The following GTF2F2 variants were observed in gnomAD, a reference collection of about 807,000 sequenced individuals.
GTF2F2 encodes general transcription factor IIF subunit 2.
GTF2F2 carries 23 observed loss-of-function variants against 42.2 expected under a neutral mutation model. The observed-to-expected ratio is 0.55, with a 90% CI of 0.39 to 0.77. The LOEUF is 0.77. Among genes scored for constraint, GTF2F2 ranks in the 30% least tolerant of loss-of-function variants. The probability of loss-of-function intolerance (pLI) is 0.00; values close to 1 mark genes in which losing one functional copy is unlikely to be tolerated. For missense variants in GTF2F2, 261 were observed against 287.2 expected, an observed-to-expected ratio of 0.91 and a Z score of 0.66; for synonymous variants, 105 against 100.8, an observed-to-expected ratio of 1.04 and a Z score of -0.25.
intron 1 of GTF2F2, among the ~76,000 whole-genome samples, chr13:45,136,307 C>T (rs1869616862): frequency 6.6e-6 from 1 of 152,230 alleles, no homozygotes; most frequent in South Asian, 2.1e-4. Flanking sequence ...CTCTTCTTCA[C>T]AGTAGTCAAA....
rs568795224 is a variant in GTF2F2 at position 45,215,530 on chromosome 13, C to T, written c.386+8025C>T. Among the ~76,000 whole-genome samples the T allele has an allele frequency of 5.3e-5, 8 of 152,228 alleles. No individual in the cohort carries two copies. In the East Asian group the frequency reaches 1.4e-3, roughly 26 times the overall value. ...ATCCCAGGACTTTGGGAGGCTGAGG[C>T]GAGTGGATCACCTAAGGTCAGGAGT... On this transcript the variant is annotated intron_variant, in intron 5 of 7. Transcript: ENST00000340473.
chr13:45,272,421 C>CT (rs1264792021), intron 7 of GTF2F2, among the ~76,000 whole-genome samples: 3 of 79,282 alleles, frequency 3.8e-5, no homozygotes, highest in Non-Finnish European at 7.0e-5. Flanking sequence ...TGTTTTGGCT[C>CT]TTTAAAAAAA....
At chr13:45,204,498 ATAAT>A (rs1248493291) in intron 4 of GTF2F2, among the ~76,000 whole-genome samples, 1 of 152,256 alleles carries the variant, frequency 6.6e-6, no homozygotes, top group East Asian at 1.9e-4. Flanking sequence ...AATAGGATCT[ATAAT>A]TAACAGCAGT....
intron 4 of GTF2F2, among the ~76,000 whole-genome samples, chr13:45,183,242 A>G (rs1399324815): frequency 6.6e-6 from 1 of 152,076 alleles, no homozygotes; most frequent in Non-Finnish European, 1.5e-5. Context: ...ACCTACCTCT[A>G]TCTGTTAGAA....
chr13:45,242,873 C>G (rs552603377), intron 5 of GTF2F2, among the ~76,000 whole-genome samples: 2 of 152,266 alleles, frequency 1.3e-5, no homozygotes, highest in African/African-American at 4.8e-5. Context: ...ATTTCTCTTC[C>G]AAATCTGCCA....
At chr13:45,142,604 A>G (rs905665688) in intron 2 of GTF2F2, among the ~76,000 whole-genome samples, 8 of 152,234 alleles carry the variant, frequency 5.3e-5, no homozygotes, top group African/African-American at 1.9e-4. Context: ...AACGTAACAC[A>G]TAATCAGTCT....
chr13:45,130,297 T>C (rs958602138), intron 1 of GTF2F2, among the ~76,000 whole-genome samples: 1 of 152,160 alleles, frequency 6.6e-6, no homozygotes, highest in East Asian at 1.9e-4. Context: ...AGTTGCAAAA[T>C]AGAATGATGA....
intron 5 of GTF2F2, among the ~76,000 whole-genome samples, chr13:45,216,330 T>C (rs1220094139): frequency 6.6e-6 from 1 of 151,838 alleles, no homozygotes. Flanking sequence ...ATAGGGGGAG[T>C]GAAGGAGTTT....
intron 5 of GTF2F2, among the ~76,000 whole-genome samples, chr13:45,251,485 G>A (rs1481478464): frequency 6.6e-6 from 1 of 151,922 alleles, no homozygotes; most frequent in Non-Finnish European, 1.5e-5. Flanking sequence ...ACTTCTTCAG[G>A]TTATAAAAGT....
chr13:45,212,473 T>TTCTTTCTTTC (rs1873708636), intron 5 of GTF2F2, among the ~76,000 whole-genome samples: 1 of 128,226 alleles, frequency 7.8e-6, no homozygotes, highest in Non-Finnish European at 1.7e-5. Flanking sequence ...CTTTCTTTCT[T>TTCTTTCTTTC]TCTTTCTTTC....
At chr13:45,223,531 G>A (rs1014868198) in intron 5 of GTF2F2, among the ~76,000 whole-genome samples, 16 of 152,050 alleles carry the variant, frequency 1.1e-4, no homozygotes, top group African/African-American at 3.6e-4. Flanking sequence ...GCCATATGGT[G>A]TTTTATTGTA....
chr13:45,180,304 A>T (rs1399170950), intron 4 of GTF2F2, among the ~76,000 whole-genome samples: 1 of 152,194 alleles, frequency 6.6e-6, no homozygotes, highest in African/African-American at 2.4e-5. Flanking sequence ...TTCTTAAAAA[A>T]CACTCATAGG....
At chr13:45,211,581 A>C (rs1873643954) in intron 5 of GTF2F2, among the ~76,000 whole-genome samples, 1 of 138,870 alleles carries the variant, frequency 7.2e-6, no homozygotes, top group African/African-American at 2.8e-5. Flanking sequence ...GCTCAAAAAA[A>C]AAAAATTTTT....
chr13:45,132,275 A>C (rs1012417612), intron 1 of GTF2F2, among the ~76,000 whole-genome samples: 3 of 152,164 alleles, frequency 2.0e-5, no homozygotes, highest in South Asian at 4.1e-4. Context: ...CACTGGCGAT[A>C]GTCAAGGTAT....
intron 7 of GTF2F2, among the ~76,000 whole-genome samples, chr13:45,272,810 C>T (rs1200511129): frequency 6.6e-6 from 1 of 150,404 alleles, no homozygotes; most frequent in Non-Finnish European, 1.5e-5. Flanking sequence ...AGCTCCATAG[C>T]TCATAGCATG....
intron 4 of GTF2F2, among the ~76,000 whole-genome samples, chr13:45,199,636 G>A (rs954863641): frequency 6.6e-6 from 1 of 152,092 alleles, no homozygotes. Flanking sequence ...ATATTGTACA[G>A]AACTCATTTT....
intron 4 of GTF2F2, among the ~76,000 whole-genome samples, chr13:45,163,232 C>T (rs1055920222): frequency 1.3e-4 from 20 of 152,082 alleles, no homozygotes; most frequent in African/African-American, 4.3e-4. Context: ...TTTATAAAGT[C>T]GGTTCTTTGT....
At chr13:45,159,140 G>C (rs1185193634) in intron 4 of GTF2F2, among the ~76,000 whole-genome samples, 3 of 152,192 alleles carry the variant, frequency 2.0e-5, no homozygotes, top group Non-Finnish European at 4.4e-5. Context: ...ATATTCCCCA[G>C]ATAAAGTAGC....
chr13:45,280,922 T>A (rs1484536394), intron 7 of GTF2F2, among the ~76,000 whole-genome samples: 1 of 152,244 alleles, frequency 6.6e-6, no homozygotes. Flanking sequence ...CAACATCGTC[T>A]TAGCCAGTCT....
Sources: gnomAD v4.1 joint callset for allele counts (sites outside exome capture counted in the v4.1 genomes callset) on GRCh38, gnomAD v4.1.1 for gene constraint, MANE v1.5 for transcripts, NCBI Gene and HGNC (gene_info 2026-07-23, HGNC 2026-07-21) for gene names.